The following TRPM8 variants were observed in gnomAD, a reference collection of about 807,000 sequenced individuals.
TRPM8 encodes TRPM8 cationic channel.
Under a neutral mutation model 133.7 loss-of-function variants are expected in TRPM8, and 110 were observed. The observed-to-expected ratio is 0.82, with a 90% CI of 0.70 to 0.96. TRPM8 has a LOEUF of 0.96. TRPM8 is among the 40% of genes least tolerant of loss of function. TRPM8 has a pLI of 0.00. For missense variants in TRPM8, 1,291 were observed against 1,379.5 expected (o/e 0.94, Z 1.02); for synonymous variants, 535 against 532.3 (o/e 1.01, Z -0.07).
chr2:233,935,958 A>AT (rs1214898749), intron 3 of TRPM8, among the ~76,000 whole-genome samples: 3 of 151,920 alleles, frequency 2.0e-5, no homozygotes, highest in Non-Finnish European at 4.4e-5. Context: ...TTTTAACTGC[A>AT]TTTTTGCTTC....
chr2:233,917,715 A>G lies in TRPM8; in HGVS notation c.-6+283A>G, dbSNP rs180849837. Among the ~76,000 whole-genome samples the G allele has an allele frequency of 9.2e-4, 140 of 152,314 alleles. 1 individual carries two copies. The Middle Eastern group carries it at 0.02, about 22-fold the overall frequency. ...ATATAATTACAGTTTTCTGTTTCTGATTGAAGGAGTTAGAAACTCCCTAAA... is the reference window on the plus strand; with the variant it reads ...ATATAATTACAGTTTTCTGTTTCTGGTTGAAGGAGTTAGAAACTCCCTAAA... On this transcript the variant is annotated intron_variant, in intron 1 of 25. Coordinates refer to ENST00000324695, the MANE Select transcript of TRPM8 (RefSeq NM_024080.5).
At chr2:233,979,975 T>A (rs1691965528) in intron 17 of TRPM8, 1 of 571,888 alleles carries the variant, frequency 1.7e-6, no homozygotes, top group African/African-American at 1.9e-5. Context: ...CCAGCAGACA[T>A]GAAGAGCAGA....
intron 15 of TRPM8, among the ~76,000 whole-genome samples, chr2:233,967,929 A>T (rs1162176062): frequency 6.6e-6 from 1 of 152,066 alleles, no homozygotes; most frequent in Admixed American, 6.5e-5. Flanking sequence ...ACTCCTGTCC[A>T]GGTTCACAGA....
chr2:233,966,737 C>A lies in TRPM8; in HGVS notation c.2007C>A (p.Ile669=). 1 of 1,590,340 alleles carries A rather than the reference C, an allele frequency of 6.3e-7. No individual in the cohort carries two copies. Residue 669 remains isoleucine, a synonymous_variant, in exon 15 of 26, where the codon ATC becomes ATA. Coordinates refer to ENST00000324695, the MANE Select transcript of TRPM8 (RefSeq NM_024080.5). ...TGGAGGCCACAGACCAGCATTTCAT[C>A]GCCCAGCCTGGGGTCCAGGTAAACC... ...LAVEATDQHF[I]AQPGVQNFLS... is the part of the protein sequence containing the mutation.
rs757068370 is a variant in TRPM8 at position 233,970,272 on chromosome 2, C to A, written c.2201C>A (p.Pro734His). The change falls in exon 17 of 26, where the codon CCC becomes CAC. Residue 734 changes from proline (P) to histidine (H), a missense_variant. Coordinates refer to ENST00000324695, the MANE Select transcript of TRPM8 (RefSeq NM_024080.5). ...LWYYVAFFTS[P>H]FVVFSWNVVF... ...TACTATGTGGCGTTCTTCACCTCCC[C>A]CTTCGTGGTCTTCTCCTGGAATGTG... The A allele has an allele frequency of 3.7e-5, 60 of 1,614,186 alleles. No homozygotes were observed. The highest frequency in any genetic ancestry group is 4.5e-5 in the Non-Finnish European group (53 of 1,180,042).
chr2:233,938,889 C>A, intron 4 of TRPM8, 109 bp from the exon 5 acceptor site: 1 of 1,291,992 alleles, frequency 7.7e-7, no homozygotes, highest in Admixed American at 2.1e-5. Flanking sequence ...CCACCCCGCC[C>A]CTCTTCTAGA....
intron 8 of TRPM8, chr2:233,947,422 T>C: frequency 6.8e-7 from 1 of 1,464,264 alleles, no homozygotes; most frequent in African/African-American, 1.4e-5. Flanking sequence ...GAGTTGACAT[T>C]AATTCGGGAG....
In TRPM8 at chr2:234,014,467, A is replaced by G. The variant is rs558270870; in HGVS notation, c.3265-95A>G. The G allele has an allele frequency of 2.1e-5, 14 of 657,208 alleles. No individual in the cohort carries two copies. The South Asian group carries it at 2.7e-4, about 13-fold the overall frequency. 40.7% of individuals were successfully genotyped at this position (657,208 alleles called of 1,614,324 possible). ...GTGCCATGCTTGCTATTTAGTAGAC[A>G]TGTCTGTTTCTTAGAAAAGGCACAG... On this transcript the variant is annotated intron_variant, in intron 24 of 25. Transcript: ENST00000324695.
At chr2:233,939,207 C>G in intron 5 of TRPM8, 32 bp downstream of exon 5, 1 of 1,609,148 alleles carries the variant, frequency 6.2e-7, no homozygotes, top group Non-Finnish European at 8.5e-7. Flanking sequence ...GCGGGTTCTT[C>G]CATTCGGGCT....
intron 17 of TRPM8, among the ~76,000 whole-genome samples, chr2:233,972,735 G>T (rs950276801): frequency 1.1e-4 from 17 of 152,184 alleles, no homozygotes; most frequent in African/African-American, 4.1e-4. Flanking sequence ...CATTGCCCGG[G>T]CGGGCAGGGC....
intron 1 of TRPM8, among the ~76,000 whole-genome samples, chr2:233,924,469 T>C (rs933342573): frequency 6.6e-6 from 1 of 152,196 alleles, no homozygotes; most frequent in Non-Finnish European, 1.5e-5. Flanking sequence ...ATGCTTCTTT[T>C]ACTTCTGAGC....
chr2:233,982,993 G>C, intron 19 of TRPM8, 60 bp from the exon 20 acceptor site: 4 of 1,558,614 alleles, frequency 2.6e-6, no homozygotes, highest in Non-Finnish European at 3.5e-6. Context: ...CGGCCGGGCC[G>C]GGGGGACTTG....
At chr2:233,959,998 G>T (rs1691392384) in intron 11 of TRPM8, among the ~76,000 whole-genome samples, 1 of 149,886 alleles carries the variant, frequency 6.7e-6, no homozygotes, top group South Asian at 2.1e-4. Context: ...GGCCAGGCTG[G>T]TCTCAAACTC....
intron 5 of TRPM8, among the ~76,000 whole-genome samples, 174 bp downstream of exon 5, chr2:233,939,349 G>A (rs952769386): frequency 2.0e-5 from 3 of 152,230 alleles, no homozygotes; most frequent in Admixed American, 2.0e-4. Context: ...ACGGAGCTCT[G>A]GCAGATAGCG....
At chr2:233,997,713 C>T (rs1038807803) in intron 22 of TRPM8, among the ~76,000 whole-genome samples, 1 of 152,130 alleles carries the variant, frequency 6.6e-6, no homozygotes, top group Admixed American at 6.5e-5. Flanking sequence ...CCACACACTC[C>T]ACACACTAAT....
Position 233,999,350 on chromosome 2 carries a change from C to A in TRPM8, c.3130+2834C>A, listed in dbSNP as rs537453877. On this transcript the variant is annotated intron_variant, in intron 22 of 25. Coordinates refer to ENST00000324695, the MANE Select transcript of TRPM8 (RefSeq NM_024080.5). ...GGGTTCCTGCAAAAAGCAGGTACTG[C>A]AAGGCCCCTGAGGCTGTGGCTCAGA... Among the ~76,000 whole-genome samples the A allele has an allele frequency of 7.3e-5, 11 of 151,204 alleles. No homozygotes were observed. In the South Asian group the frequency reaches 2.3e-3, roughly 31 times the overall value.
chr2:233,936,891 C>CTTTTTTTTTTTTTTTTTTTTTTTTTT (rs5839499), intron 3 of TRPM8, among the ~76,000 whole-genome samples: 1 of 101,328 alleles, frequency 9.9e-6, no homozygotes, highest in Non-Finnish European at 2.0e-5. Context: ...TCTTTCTTTC[C>CTTTTTTTTTTTTTTTTTTTTTTTTTT]TTTTTTTTTT....
chr2:233,970,163 T>C, intron 16 of TRPM8, 47 bp from the exon 17 acceptor site: 1 of 1,545,956 alleles, frequency 6.5e-7, no homozygotes, highest in African/African-American at 1.4e-5. Flanking sequence ...GCTGTGCCCG[T>C]CCCATGCTTG....
chr2:233,992,861 G>A (rs999444145), intron 21 of TRPM8, among the ~76,000 whole-genome samples: 7 of 152,274 alleles, frequency 4.6e-5, no homozygotes, highest in South Asian at 2.1e-4. Flanking sequence ...GGGTGTGCAC[G>A]TGCTGGCCCA....
Sources: gnomAD v4.1 joint callset for allele counts (sites outside exome capture counted in the v4.1 genomes callset) on GRCh38, gnomAD v4.1.1 for gene constraint, MANE v1.5 for transcripts, NCBI Gene and HGNC (gene_info 2026-07-23, HGNC 2026-07-21) for gene names.